DYNC1H1: variants seen among roughly 807,000 people sequenced by gnomAD.
DYNC1H1 encodes the protein dynein cytoplasmic 1 heavy chain 1.
A neutral mutation model predicts 527.1 loss-of-function variants in DYNC1H1; 51 were observed. That is an observed-to-expected ratio of 0.10 (90% CI 0.08 to 0.12). The LOEUF is 0.12. Among genes scored for constraint, DYNC1H1 ranks in the 10% least tolerant of loss-of-function variants. DYNC1H1 has a pLI of 1.00. For missense variants in DYNC1H1, 2,771 were observed against 5,971.8 expected (o/e 0.46, Z 17.66); for synonymous variants, 2,189 against 2,278.8 (o/e 0.96, Z 1.12).
rs545644771 is a variant in DYNC1H1, at chr14:102,017,989, C to T, written c.8178-462C>T. 2.6e-5 allele frequency: 7 copies of T among 268,190 alleles called. No individual in the cohort carries two copies. Among genetic ancestry groups the T allele is most frequent in the South Asian group, 1.7e-4 (4 of 23,410 alleles). The allele number at this position is 268,190 out of a possible 1,614,324, so 16.6% of individuals were successfully genotyped here. A position where few individuals can be genotyped will look rare whatever the true frequency, so the allele number is the denominator to read the frequency against. On this transcript the variant is annotated intron_variant, in intron 40 of 77. Transcript: ENST00000360184. The surrounding 1 kb of genome is among the most constrained non-coding windows in gnomAD (Gnocchi z 4.6). The stretch of plus-strand genomic sequence containing the variant: ...GGCATGGTGGCAGGTGCCTGTAGTC[C>T]CAGCTACTTGGGAGGCTGAGGCAGC...
Position 102,017,691 on chromosome 14 carries a change from G to T in DYNC1H1, c.8177+187G>T, listed in dbSNP as rs1040756338. The T allele has an allele frequency of 4.3e-6, 5 of 1,172,810 alleles. No individual in the cohort carries two copies. The highest frequency in any genetic ancestry group is 5.2e-5 in the East Asian group (2 of 38,134). 72.7% of individuals were successfully genotyped at this position (1,172,810 alleles called of 1,614,324 possible). A position where few individuals can be genotyped will look rare whatever the true frequency, so the allele number is the denominator to read the frequency against. ...TGTTAAAAATAAAAGCATTGGCCGG[G>T]CGCAGTGGCTTACGCCTATAATCCC... is the stretch of plus-strand genomic sequence containing the variant. On this transcript the variant is annotated intron_variant, in intron 40 of 77. Transcript: ENST00000360184. The surrounding 1 kb of genome is among the most constrained non-coding windows in gnomAD (Gnocchi z 4.6).
In DYNC1H1 at chr14:101,994,328, A is replaced by G. The variant is rs765616360; in HGVS notation, c.3156+4A>G. On this transcript the variant is annotated splice_donor_region_variant and intron_variant, in intron 12 of 77. Coordinates refer to ENST00000360184, the MANE Select transcript of DYNC1H1 (RefSeq NM_001376.5). ...TGAAGTTGAACAGTATGTCAAGGTA[A>G]GAAACTCCTAATTTCATTCAAATGT... The G allele has an allele frequency of 6.2e-7, 1 of 1,614,240 alleles. No individual in the cohort carries two copies. Among genetic ancestry groups the G allele is most frequent in the Non-Finnish European group, 8.5e-7 (1 of 1,180,038 alleles).
At chr14:101,988,079 A>C (rs879158189) in intron 9 of DYNC1H1, among the ~76,000 whole-genome samples, 1 of 152,208 alleles carries the variant, frequency 6.6e-6, no homozygotes, top group Non-Finnish European at 1.5e-5. Flanking sequence ...ACACACACAC[A>C]CAAAAAGAAC....
chr14:102,011,934 G>A lies in DYNC1H1; in HGVS notation c.6678G>A (p.Ser2226=), dbSNP rs141898156. The part of the protein sequence containing the change: ...INHGLMMVGP[S]GSGKSMAWRV... ...ATGGCCTGATGATGGTGGGGCCCTCGGGAAGTGGGAAGAGCATGGCCTGGC... is the reference window on the plus strand; with the variant it reads ...ATGGCCTGATGATGGTGGGGCCCTCAGGAAGTGGGAAGAGCATGGCCTGGC... Residue 2226 remains serine, a synonymous_variant, in exon 33 of 78, where the codon TCG becomes TCA. Coordinates refer to ENST00000360184, the MANE Select transcript of DYNC1H1 (RefSeq NM_001376.5). The surrounding 1 kb of genome is among the most constrained non-coding windows in gnomAD (Gnocchi z 5.3). 2.0e-5 allele frequency: 33 copies of A among 1,614,042 alleles called. No homozygotes were observed. The highest frequency in any genetic ancestry group is 2.6e-5 in the Non-Finnish European group (31 of 1,180,028).
Position 102,015,733 on chromosome 14 carries a change from T to G in DYNC1H1, c.7243-123T>G. On this transcript the variant is annotated intron_variant, in intron 35 of 77. Transcript: ENST00000360184. This position sits in a 1 kb window ranked among gnomAD's most constrained non-coding sequence, Gnocchi z 6.9. ...AGGGTGAAGGAATGAGGACTGGTCA[T>G]TGAAGCTTCATCCAAAATGAGTTTT... 1 of 1,109,664 alleles carries G rather than the reference T, an allele frequency of 9.0e-7. No homozygotes were observed. Among genetic ancestry groups the G allele is most frequent in the Non-Finnish European group, 1.3e-6 (1 of 756,778 alleles). The allele number at this position is 1,109,664 out of a possible 1,614,324, so 68.7% of individuals were successfully genotyped here. A position where few individuals can be genotyped will look rare whatever the true frequency, so the allele number is the denominator to read the frequency against.
chr14:101,971,453 G>T (rs1288895950), intron 1 of DYNC1H1, among the ~76,000 whole-genome samples: 1 of 152,162 alleles, frequency 6.6e-6, no homozygotes, highest in Non-Finnish European at 1.5e-5. Flanking sequence ...CTGGCTGGGT[G>T]CAGTGGCTCA....
At position 102,050,731 on chromosome 14, in the gene DYNC1H1, C is replaced by G; in HGVS notation, c.*168C>G. On this transcript the variant is annotated 3_prime_UTR_variant, in exon 78 of 78. Coordinates refer to ENST00000360184, the MANE Select transcript of DYNC1H1 (RefSeq NM_001376.5). Reference sequence around the variant, plus strand: ...GGAGTGGTGGAAATTGGAAGGATACCAGGAGGTATTTGGGAAGGCCAATGG... The same window carrying G: ...GGAGTGGTGGAAATTGGAAGGATACGAGGAGGTATTTGGGAAGGCCAATGG... 8.9e-7 allele frequency: 1 copy of G among 1,124,746 alleles called. No individual in the cohort carries two copies. The highest frequency in any genetic ancestry group is 1.3e-6 in the Non-Finnish European group (1 of 778,102). The allele number at this position is 1,124,746 out of a possible 1,614,324, so 69.7% of individuals were successfully genotyped here.
At chr14:101,987,423 G>A (rs751420509) in intron 8 of DYNC1H1, 30 bp from the exon 9 acceptor site, 3 of 1,603,522 alleles carry the variant, frequency 1.9e-6, no homozygotes, top group Non-Finnish European at 2.6e-6. Context: ...GTGAGTGGGT[G>A]TTTTAAATAT....
chr14:101,964,920 G>C lies in DYNC1H1; in HGVS notation c.229G>C (p.Val77Leu). ...KFLSDPQVHT[V>L]LVERSTLKED... ...CCTTTCGGACCCGCAGGTCCACACG[G>C]TGCTGGTGGAGCGCTCCACGCTCAA... The change falls in exon 1 of 78, where the codon GTG (valine) becomes CTG (leucine). Residue 77 changes from valine to leucine, a missense_variant. Physicochemically the swap from Val to Leu is conservative, Grantham distance 32. Coordinates refer to ENST00000360184, the MANE Select transcript of DYNC1H1 (RefSeq NM_001376.5). This position sits in a 1 kb window ranked among gnomAD's most constrained non-coding sequence, Gnocchi z 5.5. 1 of 1,600,242 alleles carries C rather than the reference G, an allele frequency of 6.2e-7. No individual in the cohort carries two copies. Among genetic ancestry groups the C allele is most frequent in the East Asian group, 2.2e-5 (1 of 44,462 alleles).
intron 17 of DYNC1H1, 60 bp downstream of exon 17, chr14:102,000,204 C>G: frequency 1.9e-6 from 3 of 1,614,112 alleles, no homozygotes; most frequent in African/African-American, 1.3e-5. Flanking sequence ...CTGCCATTGA[C>G]TTTGTTCATC....
chr14:102,014,622 C>T (rs1288130888), intron 34 of DYNC1H1, among the ~76,000 whole-genome samples: 1 of 151,826 alleles, frequency 6.6e-6, no homozygotes, highest in Non-Finnish European at 1.5e-5. Context: ...GCACCCAGGA[C>T]ACAGTCACTG....
At position 102,015,218 on chromosome 14, in the gene DYNC1H1, C is replaced by T. The variant is rs2048305821; in HGVS notation, c.7128C>T (p.Asn2376=). ...TGCTGAGCACCGACATGATCTTCAA[C>T]AACTTCCTGGCCAGGCTGCGCAGCA... The part of the protein sequence containing the change: ...EDVLSTDMIF[N]NFLARLRSIP... The change falls in exon 35 of 78, where the codon AAC becomes AAT. Residue 2376 remains asparagine (N), a synonymous_variant. Coordinates refer to ENST00000360184, the MANE Select transcript of DYNC1H1 (RefSeq NM_001376.5). The surrounding 1 kb of genome is among the most constrained non-coding windows in gnomAD (Gnocchi z 6.9). The T allele has an allele frequency of 1.2e-6, 2 of 1,614,086 alleles. No individual in the cohort carries two copies.
In DYNC1H1 at chr14:102,050,859, A is replaced by G. The variant is rs1397818738; in HGVS notation, c.*296A>G. ...CAGAGCCTTGCCTTCCATGCTGCCCAGGGAGGGCAGCCCACGGCAGCCATG... is the reference window on the plus strand; with the variant it reads ...CAGAGCCTTGCCTTCCATGCTGCCCGGGGAGGGCAGCCCACGGCAGCCATG... On this transcript the variant is annotated 3_prime_UTR_variant, in exon 78 of 78. Transcript: ENST00000360184. 7.3e-6 allele frequency: 3 copies of G among 411,390 alleles called. No individual in the cohort carries two copies. The Admixed American group carries it at 1.1e-4, about 15-fold the overall frequency. The allele number at this position is 411,390 out of a possible 1,614,324, so 25.5% of individuals were successfully genotyped here. A position where few individuals can be genotyped will look rare whatever the true frequency, so the allele number is the denominator to read the frequency against.
rs760281619 is a variant in DYNC1H1, at chr14:102,032,475, A to T, written c.10079+8A>T. 1 of 1,614,064 alleles carries T rather than the reference A, an allele frequency of 6.2e-7. No individual in the cohort carries two copies. Among genetic ancestry groups the T allele is most frequent in the Admixed American group, 1.7e-5 (1 of 60,026 alleles). On this transcript the variant is annotated splice_region_variant and intron_variant, in intron 52 of 77. Transcript: ENST00000360184. ...CTCTGCAGAGGAGATCAGGTGAGAA[A>T]GTGGAAGTGCCAAGGTATTGCCAGA...
chr14:101,975,891 T>A, intron 2 of DYNC1H1, 92 bp downstream of exon 2: 2 of 986,388 alleles, frequency 2.0e-6, no homozygotes, highest in Non-Finnish European at 3.1e-6. Flanking sequence ...AAATTCTTAC[T>A]AAGAGAATTA....
Position 102,005,955 on chromosome 14 carries a change from A to G in DYNC1H1, c.5501A>G (p.Lys1834Arg), listed in dbSNP as rs771182799. The G allele has an allele frequency of 6.2e-7, 1 of 1,614,130 alleles. No homozygotes were observed. Among genetic ancestry groups the G allele is most frequent in the Non-Finnish European group, 8.5e-7 (1 of 1,180,052 alleles). ...SLIKSKIDNA[K>R]SFEWLSQMRF... ...ATCAAAAGCAAGATTGACAACGCCA[A>G]ATCTTTTGAATGGCTCAGCCAGATG... is the stretch of plus-strand genomic sequence containing the variant. Residue 1834 changes from lysine to arginine, a missense_variant, in exon 27 of 78, where the codon AAA becomes AGA. Transcript: ENST00000360184. This position sits in a 1 kb window ranked among gnomAD's most constrained non-coding sequence, Gnocchi z 4.0.
chr14:102,044,811 C>A lies in DYNC1H1; in HGVS notation c.13006+113C>A. Reference sequence around the variant, plus strand: ...GTGAGTGTGCACTGCTGTCCCAGGGCCCTCCCTGGTTATGCTGGGTGTGGC... The same window carrying A: ...GTGAGTGTGCACTGCTGTCCCAGGGACCTCCCTGGTTATGCTGGGTGTGGC... On this transcript the variant is annotated intron_variant, in intron 72 of 77. Transcript: ENST00000360184. This position sits in a 1 kb window ranked among gnomAD's most constrained non-coding sequence, Gnocchi z 7.1. The A allele has an allele frequency of 8.0e-7, 1 of 1,255,228 alleles. No homozygotes were observed. The allele number at this position is 1,255,228 out of a possible 1,614,324, so 77.8% of individuals were successfully genotyped here.
In DYNC1H1 at chr14:102,027,679, G is replaced by A. The variant is rs769817685; in HGVS notation, c.9109G>A (p.Ala3037Thr). The change falls in exon 47 of 78, where the codon GCA becomes ACA. Residue 3037 changes from alanine to threonine, a missense_variant. Around this residue, in one of 32 missense-constraint regions of DYNC1H1, gnomAD observed 84 missense variants for 285.4 expected, o/e 0.29. Transcript: ENST00000360184. This position sits in a 1 kb window ranked among gnomAD's most constrained non-coding sequence, Gnocchi z 7.7. ...ATLMTQCKEG[A>T]QKEGLMLDSH... ...CTTGATGACGCAGTGCAAAGAGGGGGCACAGAAGGAAGGCCTGATGCTGGA... is the reference window on the plus strand; with the variant it reads ...CTTGATGACGCAGTGCAAAGAGGGGACACAGAAGGAAGGCCTGATGCTGGA... 5 of 1,614,038 alleles carry A rather than the reference G, an allele frequency of 3.1e-6. No homozygotes were observed. The African/African-American group carries it at 4.0e-5, about 13-fold the overall frequency.
chr14:101,988,293 A>G (rs950185730), intron 9 of DYNC1H1, among the ~76,000 whole-genome samples: 26 of 152,086 alleles, frequency 1.7e-4, no homozygotes, highest in African/African-American at 6.0e-4. Flanking sequence ...CCAACACCCA[A>G]TTTAGAAACA....
Sources: gnomAD v4.1 joint callset for allele counts (sites outside exome capture counted in the v4.1 genomes callset) on GRCh38, gnomAD v4.1.1 for gene constraint, gnomAD v4.1.1 regional missense constraint, Gnocchi (gnomAD v3.1) non-coding constraint, MANE v1.5 for transcripts, NCBI Gene and HGNC (gene_info 2026-07-23, HGNC 2026-07-21) for gene names.